The following PELI2 variants were observed in gnomAD, a reference collection of about 807,000 sequenced individuals.
PELI2 encodes the protein pellino E3 ubiquitin protein ligase family member 2, also known as E3 ubiquitin-protein ligase pellino homolog 2.
A neutral mutation model predicts 42.3 loss-of-function variants in PELI2; 23 were observed. That is an observed-to-expected ratio of 0.54 (90% CI 0.39 to 0.77). The LOEUF (loss-of-function observed/expected upper bound fraction) is 0.77, where lower values mean the gene tolerates loss of function less well. Among genes scored for constraint, PELI2 ranks in the 30% least tolerant of loss-of-function variants. PELI2 has a pLI of 0.00. For synonymous variants in PELI2, 245 were observed against 212.2 expected (o/e 1.15, Z -1.34); for missense variants, 463 against 553.2 (o/e 0.84, Z 1.64).
chr14:56,178,164 G>A (rs537011231), intron 1 of PELI2, among the ~76,000 whole-genome samples, 171 bp from the exon 2 acceptor site: 95 of 152,302 alleles, frequency 6.2e-4, no homozygotes, highest in South Asian at 2.1e-4. Context: ...GAAGTGATTT[G>A]AATTTCATTA....
At chr14:56,269,471 T>C (rs945467548) in intron 2 of PELI2, among the ~76,000 whole-genome samples, 9 of 151,968 alleles carry the variant, frequency 5.9e-5, no homozygotes, top group African/African-American at 1.9e-4. Context: ...AGATTGCACA[T>C]TAGGTTGACT....
At chr14:56,216,040 G>C (rs992153861) in intron 2 of PELI2, among the ~76,000 whole-genome samples, 3 of 152,070 alleles carry the variant, frequency 2.0e-5, no homozygotes, top group Non-Finnish European at 4.4e-5. Context: ...CTTATATTTT[G>C]CAGAGATGTC....
chr14:56,192,229 A>G (rs1185831055), intron 2 of PELI2, among the ~76,000 whole-genome samples: 2 of 152,228 alleles, frequency 1.3e-5, no homozygotes, highest in African/African-American at 4.8e-5. Flanking sequence ...GCACCAATTT[A>G]CTGAAATTTC....
At chr14:56,153,260 C>A (rs934513927) in intron 1 of PELI2, among the ~76,000 whole-genome samples, 1 of 152,052 alleles carries the variant, frequency 6.6e-6, no homozygotes, top group Admixed American at 6.5e-5. Context: ...TTGGCTATAG[C>A]CATTTGGAAA....
chr14:56,178,292 G>A, intron 1 of PELI2, 43 bp from the exon 2 acceptor site: 1 of 1,606,060 alleles, frequency 6.2e-7, no homozygotes, highest in Non-Finnish European at 8.5e-7. Flanking sequence ...TTTAAAGCTT[G>A]AAAAATCTGC....
intron 2 of PELI2, among the ~76,000 whole-genome samples, chr14:56,192,680 A>G (rs1885993688): frequency 6.6e-6 from 1 of 152,188 alleles, no homozygotes; most frequent in African/African-American, 2.4e-5. Context: ...GCCAAGTGAC[A>G]ACCACTCTGA....
At chr14:56,267,881 G>C (rs1888963390) in intron 2 of PELI2, among the ~76,000 whole-genome samples, 1 of 152,100 alleles carries the variant, frequency 6.6e-6, no homozygotes, top group African/African-American at 2.4e-5. Flanking sequence ...ATCCTTGTAA[G>C]TTTCAATCTT....
chr14:56,192,869 T>A (rs1248057542), intron 2 of PELI2, among the ~76,000 whole-genome samples: 1 of 152,236 alleles, frequency 6.6e-6, no homozygotes, highest in African/African-American at 2.4e-5. Flanking sequence ...TTATAGTACA[T>A]CTTTTCTTCT....
At chr14:56,232,901 C>T (rs935012121) in intron 2 of PELI2, among the ~76,000 whole-genome samples, 8 of 152,052 alleles carry the variant, frequency 5.3e-5, no homozygotes, top group Admixed American at 6.6e-5. Flanking sequence ...GAAAGCAACT[C>T]CAGCAAAGTC....
chr14:56,194,861 G>T lies in PELI2; in HGVS notation c.207+16397G>T, dbSNP rs151302791. ...ATTCAGTCAATGGAGAATTGTAAAA[G>T]ATTAGTACATTTAGGATCTTGTCTT... On this transcript the variant is annotated intron_variant, in intron 2 of 5. Transcript: ENST00000267460. Among the ~76,000 whole-genome samples the T allele has an allele frequency of 5.0e-3, 755 of 152,210 alleles. 1 individual carries two copies. Among genetic ancestry groups the T allele is most frequent in the Non-Finnish European group, 6.7e-3 (457 of 68,018 alleles).
rs372264818 is a variant in PELI2, at chr14:56,168,895, A to C, written c.78-9440A>C. On this transcript the variant is annotated intron_variant, in intron 1 of 5. Transcript: ENST00000267460. ...GGGCTCTTCAGTTAACAGGTGATGA[A>C]TTCTGGCAGGACTGGGTCCTTCCCT... is the stretch of plus-strand genomic sequence containing the variant. Among the ~76,000 whole-genome samples, 4 of 152,110 alleles carry C rather than the reference A, an allele frequency of 2.6e-5. No individual in the cohort carries two copies. In the South Asian group the frequency reaches 8.3e-4, roughly 32 times the overall value.
intron 2 of PELI2, among the ~76,000 whole-genome samples, chr14:56,185,188 T>A (rs145199790): frequency 9.8e-5 from 15 of 152,292 alleles, no homozygotes; most frequent in African/African-American, 3.6e-4. Flanking sequence ...AAGAATTGGC[T>A]GTTACTAACC....
chr14:56,171,896 G>A (rs549289790), intron 1 of PELI2, among the ~76,000 whole-genome samples: 3 of 152,128 alleles, frequency 2.0e-5, no homozygotes, highest in Non-Finnish European at 2.9e-5. Flanking sequence ...TGCACCTGTC[G>A]TCCCTGTTAC....
rs117743828 is a variant in PELI2, at chr14:56,294,582, G to T, written c.697-2018G>T. On this transcript the variant is annotated intron_variant, in intron 5 of 5. Coordinates refer to ENST00000267460, the MANE Select transcript of PELI2 (RefSeq NM_021255.3). ...CATACCTCTCTCTTTCCCTTACATG[G>T]TTCTTTTCCTCCACCCCAGCTCCTG... Among the ~76,000 whole-genome samples, 1,144 of 152,236 alleles carry T rather than the reference G, an allele frequency of 7.5e-3. 10 individuals are homozygous for T. Among genetic ancestry groups the T allele is most frequent in the Non-Finnish European group, 0.013 (866 of 68,006 alleles).
At chr14:56,290,532 CT>C (rs1889795792) in intron 5 of PELI2, 76 bp downstream of exon 5, 2 of 1,145,712 alleles carry the variant, frequency 1.7e-6, no homozygotes, top group Non-Finnish European at 2.5e-6. Context: ...TTTTCCTCCC[CT>C]GATGTTCAGA....
intron 2 of PELI2, among the ~76,000 whole-genome samples, chr14:56,267,466 C>T (rs1888947990): frequency 6.6e-6 from 1 of 152,060 alleles, no homozygotes; most frequent in Non-Finnish European, 1.5e-5. Flanking sequence ...TGAAGAAAAA[C>T]ATTTGTGAAT....
In PELI2 at chr14:56,301,339, C is replaced by T. The variant is rs1008627342; in HGVS notation, c.*4173C>T. The T allele has an allele frequency of 3.3e-5, 5 of 152,606 alleles. No homozygotes were observed. The highest frequency in any genetic ancestry group is 1.2e-4 in the African/African-American group (5 of 41,438). 9.5% of individuals were successfully genotyped at this position (152,606 alleles called of 1,614,324 possible). On this transcript the variant is annotated 3_prime_UTR_variant, in exon 6 of 6. Coordinates refer to ENST00000267460, the MANE Select transcript of PELI2 (RefSeq NM_021255.3). ...TTGTCTTCAGATTCTGTGGTTGTCA[C>T]TGAGTTCATTAGGACATTTAGTAGG...
chr14:56,123,214 A>C (rs972130057), intron 1 of PELI2, among the ~76,000 whole-genome samples: 2 of 148,632 alleles, frequency 1.3e-5, no homozygotes, highest in Non-Finnish European at 3.0e-5. Flanking sequence ...CACTTTCTGT[A>C]TGCTTTTTGT....
intron 3 of PELI2, among the ~76,000 whole-genome samples, chr14:56,283,105 C>T (rs1321085729): frequency 6.6e-6 from 1 of 152,152 alleles, no homozygotes; most frequent in Non-Finnish European, 1.5e-5. Flanking sequence ...TTCAGAGTTT[C>T]ATAGATATTC....
Sources: gnomAD v4.1 joint callset for allele counts (sites outside exome capture counted in the v4.1 genomes callset) on GRCh38, gnomAD v4.1.1 for gene constraint, MANE v1.5 for transcripts, NCBI Gene and HGNC (gene_info 2026-07-23, HGNC 2026-07-21) for gene names.